Variants in ITGB8 observed in about 807,000 individuals in gnomAD.
The protein encoded by ITGB8 is integrin subunit beta 8, also known as integrin beta-8.
Under a neutral mutation model 89.5 loss-of-function variants are expected in ITGB8, and 30 were observed. The ratio of observed to expected loss-of-function variants is 0.34; its 90% CI spans 0.25 to 0.45. The LOEUF is 0.45. Among genes scored for constraint, ITGB8 ranks in the 20% least tolerant of loss-of-function variants. ITGB8 has a pLI of 1.00. For synonymous variants in ITGB8, 335 were observed against 320.4 expected, an observed-to-expected ratio of 1.05 and a Z score of -0.49; for missense variants, 836 against 933.3, an observed-to-expected ratio of 0.90 and a Z score of 1.36.
At chr7:20,359,673 G>A (rs1267779252) in intron 1 of ITGB8, among the ~76,000 whole-genome samples, 1 of 144,496 alleles carries the variant, frequency 6.9e-6, no homozygotes, top group Non-Finnish European at 1.6e-5. Context: ...GGGAAGGAGA[G>A]AGAGTGTGTG....
At chr7:20,337,684 T>C (rs1028415437) in intron 1 of ITGB8, among the ~76,000 whole-genome samples, 9 of 152,244 alleles carry the variant, frequency 5.9e-5, no homozygotes, top group Non-Finnish European at 1.3e-4. Flanking sequence ...GTCAGCATTC[T>C]GAATCATAAT....
chr7:20,346,733 T>C (rs1784938000), intron 1 of ITGB8: 1 of 985,226 alleles, frequency 1.0e-6, no homozygotes, highest in Non-Finnish European at 1.2e-6. Flanking sequence ...ATTAAAGTGA[T>C]TGCCTGAGAA....
intron 6 of ITGB8, among the ~76,000 whole-genome samples, chr7:20,388,797 C>A (rs1373489591): frequency 1.3e-5 from 2 of 152,106 alleles, no homozygotes; most frequent in African/African-American, 2.4e-5. Flanking sequence ...GCCCCCCAAC[C>A]CCTGACAGGC....
At chr7:20,393,988 G>GGAAA (rs1396234974) in intron 7 of ITGB8, among the ~76,000 whole-genome samples, 1 of 152,220 alleles carries the variant, frequency 6.6e-6, no homozygotes, top group African/African-American at 2.4e-5. Context: ...CCTTAAGGGT[G>GGAAA]GAAACTATGT....
Position 20,410,027 on chromosome 7 carries a change from C to T in ITGB8, c.*30C>T. 3 of 1,590,896 alleles carry T rather than the reference C, an allele frequency of 1.9e-6. No individual in the cohort carries two copies. The highest frequency in any genetic ancestry group is 2.6e-6 in the Non-Finnish European group (3 of 1,169,180). ...AGATTTTTAAACACTTAATGGGAAA[C>T]TGGAATTGTTAATAATTGCTCCTAA... On this transcript the variant is annotated 3_prime_UTR_variant, in exon 14 of 14. Transcript: ENST00000222573.
In ITGB8 at chr7:20,370,032, A is replaced by G. The variant is rs926084570; in HGVS notation, c.388+2846A>G. 4.6e-5 allele frequency among the ~76,000 whole-genome samples: 7 copies of G among 151,950 alleles called. No homozygotes were observed. The East Asian group carries it at 1.3e-3, about 29-fold the overall frequency. Reference sequence around the variant, plus strand: ...CTAAGCATCCAAAGATATAAGAAGAAGATAAACAAAAAAAACATAAGAAAA... The same window carrying G: ...CTAAGCATCCAAAGATATAAGAAGAGGATAAACAAAAAAAACATAAGAAAA... On this transcript the variant is annotated intron_variant, in intron 3 of 13. Transcript: ENST00000222573.
chr7:20,396,274 T>TA (rs1039297338), intron 8 of ITGB8, among the ~76,000 whole-genome samples: 19 of 150,864 alleles, frequency 1.3e-4, no homozygotes, highest in Admixed American at 6.0e-4. Flanking sequence ...CTGTCTCTAC[T>TA]AAAAAAAAAT....
chr7:20,385,774 A>G lies in ITGB8; in HGVS notation c.960+3889A>G, dbSNP rs916990672. ...ATGAATAAAGAGAGCTTAAGAAGCT[A>G]CTTTGCTAATGTAATCCATAACTTT... On this transcript the variant is annotated intron_variant, in intron 6 of 13. Coordinates refer to ENST00000222573, the MANE Select transcript of ITGB8 (RefSeq NM_002214.3). Among the ~76,000 whole-genome samples, 12 of 150,736 alleles carry G rather than the reference A, an allele frequency of 8.0e-5. 1 individual carries two copies. In the South Asian group the frequency reaches 2.5e-3, roughly 32 times the overall value.
At chr7:20,340,029 AAAAT>A (rs1281496449) in intron 1 of ITGB8, among the ~76,000 whole-genome samples, 2 of 152,204 alleles carry the variant, frequency 1.3e-5, no homozygotes, top group Non-Finnish European at 2.9e-5. Flanking sequence ...GACTTTGTCT[AAAAT>A]AAAATAAAAT....
At chr7:20,393,821 G>A (rs997014078) in intron 7 of ITGB8, among the ~76,000 whole-genome samples, 1 of 152,138 alleles carries the variant, frequency 6.6e-6, no homozygotes, top group Non-Finnish European at 1.5e-5. Flanking sequence ...TGGCTTATAA[G>A]TCATCTCCTC....
At chr7:20,332,971 G>A (rs939342159) in intron 1 of ITGB8, among the ~76,000 whole-genome samples, 1 of 146,134 alleles carries the variant, frequency 6.8e-6, no homozygotes, top group Admixed American at 6.9e-5. Flanking sequence ...TGGTCACCAA[G>A]TCCTTAAATT....
intron 12 of ITGB8, 101 bp downstream of exon 12, chr7:20,406,272 C>T (rs986596190): frequency 2.2e-5 from 17 of 776,404 alleles, no homozygotes; most frequent in African/African-American, 3.4e-5. Flanking sequence ...AGGACTGGGC[C>T]GGGTGTGGTG....
rs1787830236 is a variant in ITGB8, at chr7:20,413,393, C to T, written c.*3396C>T. ...TTTACTTAATATCCACTGAAGATAT[C>T]TTTATGCAAGACAAGAGTCAGCCAT... On this transcript the variant is annotated 3_prime_UTR_variant, in exon 14 of 14. Coordinates refer to ENST00000222573, the MANE Select transcript of ITGB8 (RefSeq NM_002214.3). 1 of 152,414 alleles carries T rather than the reference C, an allele frequency of 6.6e-6. No homozygotes were observed. Among genetic ancestry groups the T allele is most frequent in the Admixed American group, 6.6e-5 (1 of 15,240 alleles). The allele number at this position is 152,414 out of a possible 1,614,324, so 9.4% of individuals were successfully genotyped here. A position where few individuals can be genotyped will look rare whatever the true frequency, so the allele number is the denominator to read the frequency against.
intron 4 of ITGB8, chr7:20,379,833 G>A (rs142321044): frequency 3.9e-5 from 6 of 152,266 alleles, no homozygotes; most frequent in South Asian, 2.1e-4. Context: ...TGCTTAGAAA[G>A]AGCCTTTTTT....
upstream of ITGB8, among the ~76,000 whole-genome samples, chr7:20,330,230 C>G: frequency 6.6e-6 from 1 of 152,204 alleles, no homozygotes; most frequent in South Asian, 2.1e-4. Flanking sequence ...TGGTCCAACT[C>G]TCCAAAGGCT....
rs546220820 is a variant in ITGB8, at chr7:20,412,165, C to T, written c.*2168C>T. The T allele has an allele frequency of 6.6e-6, 1 of 152,600 alleles. No individual in the cohort carries two copies. The highest frequency in any genetic ancestry group is 2.4e-5 in the African/African-American group (1 of 41,538). 9.5% of individuals were successfully genotyped at this position (152,600 alleles called of 1,614,324 possible). On this transcript the variant is annotated 3_prime_UTR_variant, in exon 14 of 14. Coordinates refer to ENST00000222573, the MANE Select transcript of ITGB8 (RefSeq NM_002214.3). ...AAACCTATAATAAGTTGTTCTGGAG[C>T]CAATAAACACAGCAGCTCTGTTAGA...
Position 20,399,015 on chromosome 7 carries a change from C to A in ITGB8, c.1281+21C>A, listed in dbSNP as rs775978619. The A allele has an allele frequency of 2.7e-5, 43 of 1,597,368 alleles. No homozygotes were observed. The South Asian group carries it at 3.3e-4, about 12-fold the overall frequency. On this transcript the variant is annotated intron_variant, in intron 9 of 13. Transcript: ENST00000222573. The stretch of plus-strand genomic sequence containing the variant: ...ATGAAGTATGTGGGTGTGCATTTTT[C>A]CCTTTTAAAATAAACTAAGTTGTTT...
intron 1 of ITGB8, among the ~76,000 whole-genome samples, chr7:20,358,178 A>G (rs572647045): frequency 6.6e-6 from 1 of 152,062 alleles, no homozygotes; most frequent in East Asian, 1.9e-4. Flanking sequence ...TGATACCCAC[A>G]TGGCTCGATC....
intron 1 of ITGB8, among the ~76,000 whole-genome samples, chr7:20,342,602 G>A (rs1784798714): frequency 6.6e-6 from 1 of 152,004 alleles, no homozygotes. Flanking sequence ...GAGACTGGCT[G>A]GAAATTACAG....
Sources: allele counts gnomAD v4.1 joint callset (sites outside exome capture counted in the v4.1 genomes callset), GRCh38; gene constraint gnomAD v4.1.1; transcripts MANE v1.5; gene names NCBI Gene and HGNC (gene_info 2026-07-23, HGNC 2026-07-21).